ATXN1: variants seen among roughly 807,000 people sequenced by gnomAD.
ATXN1 encodes ataxin 1, also known as ataxin-1.
In ATXN1, 8 loss-of-function variants were observed where a neutral mutation model predicts 56.4. The ratio of observed to expected loss-of-function variants is 0.14; its 90% CI spans 0.08 to 0.26. The LOEUF (loss-of-function observed/expected upper bound fraction) is 0.26. ATXN1 is among the 10% of genes least tolerant of loss of function. The pLI is 1.00. For missense variants in ATXN1, 987 were observed against 1,106.5 expected (o/e 0.89, Z 1.53); for synonymous variants, 514 against 494.6 (o/e 1.04, Z -0.52).
At chr6:16,491,277 ATTTTTTTTT>A (rs57395401) in intron 5 of ATXN1, among the ~76,000 whole-genome samples, 74 of 132,200 alleles carry the variant, frequency 5.6e-4, no homozygotes, top group East Asian at 3.8e-3. Context: ...TATTATTATT[ATTTTTTTTT>A]TTTTTTTTTT....
chr6:16,588,699 C>G (rs996529330), intron 3 of ATXN1, among the ~76,000 whole-genome samples: 1 of 152,142 alleles, frequency 6.6e-6, no homozygotes, highest in Non-Finnish European at 1.5e-5. Context: ...CACTCTCACC[C>G]CTCCTTTCAT....
At chr6:16,545,237 G>A (rs773219559) in intron 4 of ATXN1, among the ~76,000 whole-genome samples, 21 of 152,080 alleles carry the variant, frequency 1.4e-4, no homozygotes, top group Non-Finnish European at 2.5e-4. Flanking sequence ...GTCTTACAGC[G>A]ATCATGAATG....
chr6:16,601,912 T>A (rs1435766601), intron 3 of ATXN1, among the ~76,000 whole-genome samples: 1 of 152,130 alleles, frequency 6.6e-6, no homozygotes, highest in African/African-American at 2.4e-5. Flanking sequence ...TAGAAGATTT[T>A]GTGCAAGCGT....
intron 2 of ATXN1, among the ~76,000 whole-genome samples, chr6:16,686,036 T>C (rs1758911370): frequency 6.6e-6 from 1 of 152,126 alleles, no homozygotes; most frequent in Non-Finnish European, 1.5e-5. Context: ...TGAAAAGTTC[T>C]GTTTTTTTTG....
intron 6 of ATXN1, among the ~76,000 whole-genome samples, chr6:16,406,703 C>G (rs531998454): frequency 6.6e-6 from 1 of 152,238 alleles, no homozygotes; most frequent in African/African-American, 2.4e-5. Context: ...TAGGTCATAG[C>G]CTGTTCCTCT....
At chr6:16,552,319 T>C (rs546728976) in intron 4 of ATXN1, among the ~76,000 whole-genome samples, 1 of 152,318 alleles carries the variant, frequency 6.6e-6, no homozygotes, top group African/African-American at 2.4e-5. Context: ...TATGAAGCCA[T>C]GTAGTGGGGA....
At chr6:16,655,890 G>A (rs1758189499) in intron 3 of ATXN1, among the ~76,000 whole-genome samples, 1 of 151,790 alleles carries the variant, frequency 6.6e-6, no homozygotes, top group African/African-American at 2.4e-5. Flanking sequence ...AGGAGATCGA[G>A]ACCATCCTGG....
chr6:16,309,791 T>C (rs1318007066), intron 7 of ATXN1, among the ~76,000 whole-genome samples: 1 of 151,996 alleles, frequency 6.6e-6, no homozygotes, highest in Non-Finnish European at 1.5e-5. Flanking sequence ...CCCAGCACTT[T>C]GGGAGGCCGA....
Position 16,595,851 on chromosome 6 carries a change from C to T in ATXN1, c.-488-9944G>A, listed in dbSNP as rs148486566. Among the ~76,000 whole-genome samples the T allele has an allele frequency of 5.9e-5, 9 of 152,356 alleles. No homozygotes were observed. In the East Asian group the frequency reaches 1.7e-3, roughly 29 times the overall value. ...TCTTATGCCTCTTATTAAATTCTCA[C>T]ACTGTTTTAATTAAGTAGGGCCTTA... On this transcript the variant is annotated intron_variant, in intron 3 of 7. Transcript: ENST00000436367.
intron 6 of ATXN1, among the ~76,000 whole-genome samples, chr6:16,347,927 T>A (rs1204509233): frequency 1.3e-5 from 2 of 152,206 alleles, no homozygotes; most frequent in African/African-American, 2.4e-5. Context: ...ACTCTTTGGA[T>A]CTATACTGCC....
chr6:16,689,143 A>G (rs1459932499), intron 2 of ATXN1, among the ~76,000 whole-genome samples: 1 of 152,162 alleles, frequency 6.6e-6, no homozygotes, highest in Non-Finnish European at 1.5e-5. Flanking sequence ...AAGACAATAC[A>G]TACTCTTTTG....
chr6:16,603,345 AG>A (rs1484420929), intron 3 of ATXN1, among the ~76,000 whole-genome samples: 3 of 152,132 alleles, frequency 2.0e-5, no homozygotes, highest in Non-Finnish European at 4.4e-5. Context: ...CAACTCACCC[AG>A]AGACTGAGAA....
At chr6:16,686,051 G>T (rs989732233) in intron 2 of ATXN1, among the ~76,000 whole-genome samples, 1 of 151,876 alleles carries the variant, frequency 6.6e-6, no homozygotes, top group Non-Finnish European at 1.5e-5. Flanking sequence ...TTTTTGAAAA[G>T]TCCTCCATAC....
At chr6:16,324,634 T>C (rs956858169) in intron 7 of ATXN1, among the ~76,000 whole-genome samples, 3 of 152,220 alleles carry the variant, frequency 2.0e-5, no homozygotes, top group Admixed American at 2.0e-4. Context: ...TTGTAGAAAG[T>C]ACGCTCGATA....
chr6:16,507,362 G>A (rs1760998293), intron 5 of ATXN1, among the ~76,000 whole-genome samples: 4 of 152,204 alleles, frequency 2.6e-5, no homozygotes, highest in Admixed American at 6.5e-5. Flanking sequence ...GCACTGCAAT[G>A]TCCGAAGGAA....
intron 4 of ATXN1, among the ~76,000 whole-genome samples, chr6:16,581,800 G>A (rs377210427): frequency 3.8e-4 from 58 of 152,254 alleles, no homozygotes; most frequent in African/African-American, 1.3e-3. Context: ...CAAGGTACAC[G>A]TGTTCTGGTG....
At chr6:16,630,032 G>A (rs115811491) in intron 3 of ATXN1, among the ~76,000 whole-genome samples, 3,018 of 152,156 alleles carry the variant, frequency 0.02, 43 homozygotes, top group Non-Finnish European at 0.031. Context: ...TATTATAAAG[G>A]TTAAGATGAA....
At chr6:16,660,355 A>G (rs1758290831) in intron 2 of ATXN1, among the ~76,000 whole-genome samples, 1 of 152,244 alleles carries the variant, frequency 6.6e-6, no homozygotes, top group Non-Finnish European at 1.5e-5. Flanking sequence ...AAAGTTGGCT[A>G]TATTTTAAAA....
intron 6 of ATXN1, among the ~76,000 whole-genome samples, chr6:16,350,341 T>A (rs1290605197): frequency 2.6e-5 from 4 of 152,154 alleles, no homozygotes; most frequent in African/African-American, 4.8e-5. Context: ...AGAAAAAAAA[T>A]CCAGGTGTGT....
Sources: gnomAD v4.1 joint callset for allele counts (sites outside exome capture counted in the v4.1 genomes callset) on GRCh38, gnomAD v4.1.1 for gene constraint, MANE v1.5 for transcripts, NCBI Gene and HGNC (gene_info 2026-07-23, HGNC 2026-07-21) for gene names.